Variants in PYM1 observed in about 807,000 individuals in gnomAD.
PYM1 encodes partner of Y14 and mago.
A neutral mutation model predicts 20.7 loss-of-function variants in PYM1; 7 were observed. The ratio of observed to expected loss-of-function variants is 0.34; its 90% CI spans 0.19 to 0.64. The LOEUF (loss-of-function observed/expected upper bound fraction) is 0.64. Ranked by LOEUF, PYM1 falls within the 30% of genes least tolerant of loss-of-function variation. PYM1 has a pLI of 0.74. For synonymous variants in PYM1, 100 were observed against 99.2 expected, an observed-to-expected ratio of 1.01 and a Z score of -0.05; for missense variants, 194 against 250.0, an observed-to-expected ratio of 0.78 and a Z score of 1.51.
chr12:55,925,140 G>A (rs1883167312), intron 1 of PYM1, among the ~76,000 whole-genome samples: 1 of 152,206 alleles, frequency 6.6e-6, no homozygotes, highest in South Asian at 2.1e-4. Flanking sequence ...CCCATCATTA[G>A]AGACAACAGA....
chr12:55,917,845 A>G (rs1339396031), intron 1 of PYM1, among the ~76,000 whole-genome samples: 1 of 152,076 alleles, frequency 6.6e-6, no homozygotes, highest in Admixed American at 6.5e-5. Flanking sequence ...CTGTAATCCC[A>G]GCTACTTGGG....
chr12:55,925,547 G>C (rs1883173493), intron 1 of PYM1, among the ~76,000 whole-genome samples: 1 of 152,132 alleles, frequency 6.6e-6, no homozygotes, highest in Admixed American at 6.6e-5. Flanking sequence ...AAAAAAAGGA[G>C]AGAAAAAAAT....
Position 55,924,486 on chromosome 12 carries a change from A to T in PYM1, c.37+3239T>A, listed in dbSNP as rs554451007. Reference sequence around the variant, plus strand: ...AGCAAGTCTGCATCGCTTCATTTTTAAAAAAAGAAAGAAACAAACAAAATC... The same window carrying T: ...AGCAAGTCTGCATCGCTTCATTTTTTAAAAAAGAAAGAAACAAACAAAATC... On this transcript the variant is annotated intron_variant, in intron 1 of 2. Transcript: ENST00000408946. Among the ~76,000 whole-genome samples the T allele has an allele frequency of 6.6e-5, 10 of 152,152 alleles. No homozygotes were observed. The South Asian group carries it at 1.9e-3, about 28-fold the overall frequency.
chr12:55,912,895 C>G (rs1002411428), intron 1 of PYM1, among the ~76,000 whole-genome samples: 1 of 150,784 alleles, frequency 6.6e-6, no homozygotes, highest in Non-Finnish European at 1.5e-5. Flanking sequence ...ACCCGGGAGG[C>G]GGAGGTTGCA....
intron 1 of PYM1, among the ~76,000 whole-genome samples, chr12:55,910,949 A>G (rs1313679916): frequency 6.6e-6 from 1 of 152,172 alleles, no homozygotes; most frequent in Non-Finnish European, 1.5e-5. Context: ...TGTGGAGACC[A>G]AGGTTCTTTT....
intron 2 of PYM1, among the ~76,000 whole-genome samples, chr12:55,902,798 G>A (rs1056089374): frequency 2.0e-5 from 3 of 150,214 alleles, no homozygotes; most frequent in Admixed American, 6.7e-5. Context: ...ACAGAGTCTC[G>A]CTCTGTCGCC....
intron 1 of PYM1, among the ~76,000 whole-genome samples, chr12:55,905,050 G>A (rs1882769362): frequency 6.6e-6 from 1 of 151,428 alleles, no homozygotes; most frequent in Middle Eastern, 3.2e-3. Flanking sequence ...CGCCCAGGCT[G>A]GAGTGCAGTG....
chr12:55,926,943 T>A (rs1883199806), intron 1 of PYM1: 1 of 939,870 alleles, frequency 1.1e-6, no homozygotes. Context: ...TAGGAGAGAA[T>A]GAATGGGGAA....
intron 1 of PYM1, among the ~76,000 whole-genome samples, chr12:55,907,336 C>T (rs1218269022): frequency 1.3e-5 from 2 of 151,232 alleles, no homozygotes; most frequent in Non-Finnish European, 2.9e-5. Flanking sequence ...AGGTGGCTCA[C>T]ACCTGTAATC....
At chr12:55,905,943 T>TATATTATTATATATAATATAA (rs1555180544) in intron 1 of PYM1, among the ~76,000 whole-genome samples, 1 of 127,864 alleles carries the variant, frequency 7.8e-6, no homozygotes, top group Non-Finnish European at 1.6e-5. Context: ...AATAGATATA[T>TATATTATTATATATAATATAA]ATATTATTAT....
At chr12:55,914,822 C>T (rs1882979050) in intron 1 of PYM1, among the ~76,000 whole-genome samples, 1 of 152,002 alleles carries the variant, frequency 6.6e-6, no homozygotes, top group Admixed American at 6.6e-5. Flanking sequence ...TAATCATTTC[C>T]CTCAAGGAAG....
intron 1 of PYM1, among the ~76,000 whole-genome samples, chr12:55,907,544 G>T (rs1212300369): frequency 6.6e-6 from 1 of 150,578 alleles, no homozygotes; most frequent in Non-Finnish European, 1.5e-5. Context: ...TGAAGCAGGA[G>T]AATCACTTGA....
intron 1 of PYM1, among the ~76,000 whole-genome samples, chr12:55,919,104 T>C (rs1883056282): frequency 6.6e-6 from 1 of 152,222 alleles, no homozygotes; most frequent in East Asian, 1.9e-4. Context: ...GATGGGAATA[T>C]GGTTTACAGT....
chr12:55,927,643 C>T (rs1883219815), intron 1 of PYM1, 82 bp downstream of exon 1: 2 of 1,507,702 alleles, frequency 1.3e-6, no homozygotes, highest in East Asian at 2.5e-5. Flanking sequence ...ATTCGTGTGC[C>T]GATTGCTGTC....
chr12:55,911,174 T>C (rs1433911772), intron 1 of PYM1, among the ~76,000 whole-genome samples: 1 of 152,184 alleles, frequency 6.6e-6, no homozygotes, highest in Non-Finnish European at 1.5e-5. Flanking sequence ...AGTGGCACCA[T>C]CTCTGCTCAC....
intron 1 of PYM1, among the ~76,000 whole-genome samples, chr12:55,915,560 A>C (rs1445775726): frequency 1.3e-5 from 1 of 78,954 alleles, no homozygotes; most frequent in African/African-American, 3.8e-5. Flanking sequence ...GTTTATCTTT[A>C]AAAAAAAAAA....
intron 1 of PYM1, among the ~76,000 whole-genome samples, chr12:55,925,335 T>C (rs756252049): frequency 2.0e-5 from 3 of 152,112 alleles, no homozygotes; most frequent in Non-Finnish European, 4.4e-5. Context: ...GGGTTTAAGA[T>C]AGTGAAATAG....
intron 1 of PYM1, chr12:55,913,991 G>C (rs1460023436): frequency 3.7e-6 from 1 of 272,170 alleles, no homozygotes; most frequent in African/African-American, 2.2e-5. Context: ...TATCACTCTT[G>C]AATTTGGAAA....
At chr12:55,916,238 GA>G in intron 1 of PYM1, among the ~76,000 whole-genome samples, 1 of 151,976 alleles carries the variant, frequency 6.6e-6, no homozygotes, top group Non-Finnish European at 1.5e-5. Flanking sequence ...GGGAGGCTGA[GA>G]CAGGAGAATT....
Sources: gnomAD v4.1 joint callset for allele counts (sites outside exome capture counted in the v4.1 genomes callset) on GRCh38, gnomAD v4.1.1 for gene constraint, MANE v1.5 for transcripts, NCBI Gene and HGNC (gene_info 2026-07-23, HGNC 2026-07-21) for gene names.